Variants in PPARGC1A observed in about 807,000 individuals in gnomAD.
PPARGC1A encodes peroxisome proliferator-activated receptor gamma coactivator 1-alpha.
Under a neutral mutation model 88.7 loss-of-function variants are expected in PPARGC1A, and 25 were observed. The ratio of observed to expected loss-of-function variants is 0.28; its 90% CI spans 0.21 to 0.39. PPARGC1A has a LOEUF of 0.39. Among genes scored for constraint, PPARGC1A ranks in the 10% least tolerant of loss-of-function variants. The pLI, the probability that PPARGC1A is intolerant of heterozygous loss-of-function variation, is 1.00. For missense variants in PPARGC1A, 880 were observed against 968.7 expected (o/e 0.91, Z 1.22); for synonymous variants, 363 against 355.6 (o/e 1.02, Z -0.24).
chr4:24,069,921 G>A, the PPARGC1A span, among the ~76,000 whole-genome samples: 1 of 152,174 alleles, frequency 6.6e-6, no homozygotes, highest in Non-Finnish European at 1.5e-5. Context: ...ACTAGAGACA[G>A]GATGCCTGGC....
At chr4:24,274,913 G>A in the PPARGC1A span, among the ~76,000 whole-genome samples, 1 of 152,204 alleles carries the variant, frequency 6.6e-6, no homozygotes, top group African/African-American at 2.4e-5. Context: ...ACCACACAGG[G>A]TTCCTGGGTA....
chr4:23,821,372 CT>C (rs1189924402), intron 7 of PPARGC1A, among the ~76,000 whole-genome samples: 1 of 152,030 alleles, frequency 6.6e-6, no homozygotes, highest in Non-Finnish European at 1.5e-5. Context: ...ATAGAAGTAG[CT>C]GTTGCTGAGA....
the PPARGC1A span, among the ~76,000 whole-genome samples, chr4:24,051,927 G>A: frequency 8.8e-6 from 1 of 113,404 alleles, no homozygotes. Flanking sequence ...TCTCAGCAGT[G>A]ATTTGCACAA....
At chr4:24,310,163 G>A in the PPARGC1A span, among the ~76,000 whole-genome samples, 7 of 152,156 alleles carry the variant, frequency 4.6e-5, no homozygotes, top group Admixed American at 1.3e-4. Flanking sequence ...CTGTATACAC[G>A]TGGAGCTCAA....
At chr4:24,177,396 C>T in the PPARGC1A span, among the ~76,000 whole-genome samples, 3 of 148,194 alleles carry the variant, frequency 2.0e-5, no homozygotes, top group Admixed American at 6.9e-5. Flanking sequence ...TGTTCTCACT[C>T]ATAGGTGGGA....
chr4:24,206,873 A>AAAAAAC, the PPARGC1A span, among the ~76,000 whole-genome samples: 1 of 113,876 alleles, frequency 8.8e-6, no homozygotes, highest in African/African-American at 3.2e-5. Flanking sequence ...AAAAAAAAAA[A>AAAAAAC]AAGCTAACAT....
the PPARGC1A span, among the ~76,000 whole-genome samples, chr4:24,471,620 G>A: frequency 6.6e-6 from 1 of 151,862 alleles, no homozygotes; most frequent in Non-Finnish European, 1.5e-5. The surrounding 1 kb of genome is among the most constrained non-coding windows in gnomAD (Gnocchi z 5.4). Context: ...CTCCTTCCAC[G>A]CCCCCCTTCC....
the PPARGC1A span, among the ~76,000 whole-genome samples, chr4:24,345,257 C>T: frequency 5.9e-5 from 8 of 134,726 alleles, no homozygotes; most frequent in African/African-American, 2.4e-4. Context: ...TGGTTCCATA[C>T]GAATTTTAGA....
chr4:24,439,897 CAAG>C, the PPARGC1A span, among the ~76,000 whole-genome samples: 1 of 152,148 alleles, frequency 6.6e-6, no homozygotes, highest in Non-Finnish European at 1.5e-5. Context: ...CCTTAAGGTC[CAAG>C]AAGGAGACTT....
At chr4:24,412,468 T>C in the PPARGC1A span, among the ~76,000 whole-genome samples, 13 of 152,132 alleles carry the variant, frequency 8.5e-5, no homozygotes, top group African/African-American at 2.4e-4. Context: ...TGTTGGTAAA[T>C]AAAATTTTTT....
the PPARGC1A span, among the ~76,000 whole-genome samples, chr4:24,322,449 C>T: frequency 6.6e-6 from 1 of 152,184 alleles, no homozygotes; most frequent in Non-Finnish European, 1.5e-5. Flanking sequence ...CACTTTATTC[C>T]TAGCTGAGTT....
chr4:24,176,793 C>T, the PPARGC1A span, among the ~76,000 whole-genome samples: 4 of 152,024 alleles, frequency 2.6e-5, no homozygotes, highest in Non-Finnish European at 4.4e-5. Context: ...AGAGAAAGGT[C>T]GAAAAGTGGG....
the PPARGC1A span, among the ~76,000 whole-genome samples, chr4:23,973,304 C>T: frequency 1.3e-5 from 2 of 152,198 alleles, no homozygotes; most frequent in Non-Finnish European, 2.9e-5. Context: ...GGTGCCTGGT[C>T]TTGGCTCTCC....
chr4:24,277,678 C>G, the PPARGC1A span, among the ~76,000 whole-genome samples: 1 of 151,950 alleles, frequency 6.6e-6, no homozygotes. Context: ...AATAAAATTC[C>G]CTCATTTCAT....
chr4:23,868,003 C>CTT (rs1712406282), intron 2 of PPARGC1A, among the ~76,000 whole-genome samples: 1 of 152,186 alleles, frequency 6.6e-6, no homozygotes, highest in Non-Finnish European at 1.5e-5. Context: ...GAAGCTGTGG[C>CTT]CATGCATTTG....
the PPARGC1A span, among the ~76,000 whole-genome samples, chr4:24,000,172 C>T: frequency 6.6e-6 from 1 of 152,016 alleles, no homozygotes; most frequent in African/African-American, 2.4e-5. Flanking sequence ...ATGTCTTCCA[C>T]ATTCAGGCCA....
At chr4:24,213,259 C>T in the PPARGC1A span, among the ~76,000 whole-genome samples, 2 of 150,870 alleles carry the variant, frequency 1.3e-5, no homozygotes, top group African/African-American at 2.4e-5. Flanking sequence ...TTCCGCCTCC[C>T]GGGTTCACGC....
the PPARGC1A span, among the ~76,000 whole-genome samples, chr4:24,106,720 T>C: frequency 6.6e-6 from 1 of 152,208 alleles, no homozygotes; most frequent in African/African-American, 2.4e-5. Context: ...CTTTAGCCAA[T>C]AGACTGTGGC....
the PPARGC1A span, among the ~76,000 whole-genome samples, chr4:24,364,760 T>C: frequency 6.6e-6 from 1 of 152,128 alleles, no homozygotes; most frequent in African/African-American, 2.4e-5. Flanking sequence ...TGTAGACCCA[T>C]ATATATGTAT....
Sources: gnomAD v4.1 joint callset for allele counts (sites outside exome capture counted in the v4.1 genomes callset) on GRCh38, gnomAD v4.1.1 for gene constraint, Gnocchi (gnomAD v3.1) non-coding constraint, MANE v1.5 for transcripts, NCBI Gene and HGNC (gene_info 2026-07-23, HGNC 2026-07-21) for gene names.